ZNF736: variants seen among roughly 807,000 people sequenced by gnomAD.
ZNF736 encodes the protein KRAB-containing zinc-finger repressor protein.
ZNF736 carries 6 observed loss-of-function variants against 11.7 expected under a neutral mutation model. The ratio of observed to expected loss-of-function variants is 0.51; its 90% confidence interval spans 0.28 to 1.01. The LOEUF is 1.01. Ranked by LOEUF, ZNF736 falls within the 50% of genes least tolerant of loss-of-function variation. The pLI is 0.09. For synonymous variants in ZNF736, 139 were observed against 164.7 expected (o/e 0.84, Z 1.19); for missense variants, 444 against 496.0 (o/e 0.90, Z 1.00).
intron 3 of ZNF736, among the ~76,000 whole-genome samples, chr7:64,347,321 C>T (rs896539013): frequency 1.4e-5 from 2 of 144,036 alleles, no homozygotes; most frequent in Admixed American, 7.5e-5. Context: ...TGAGTTCAAG[C>T]GATTCTCCTT....
intron 1 of ZNF736, among the ~76,000 whole-genome samples, chr7:64,335,022 A>G (rs1388445474): frequency 5.9e-5 from 9 of 151,928 alleles, no homozygotes; most frequent in Non-Finnish European, 1.3e-4. Flanking sequence ...ATTCTCAGCA[A>G]ACTAACAAAC....
intron 1 of ZNF736, among the ~76,000 whole-genome samples, chr7:64,319,780 C>T (rs1788978824): frequency 6.7e-6 from 1 of 150,224 alleles, no homozygotes; most frequent in Admixed American, 6.6e-5. Context: ...AGGTGTGAGC[C>T]ACTACGCTCA....
intron 2 of ZNF736, among the ~76,000 whole-genome samples, chr7:64,336,680 T>G (rs1251820567): frequency 6.6e-6 from 1 of 152,206 alleles, no homozygotes; most frequent in East Asian, 1.9e-4. Flanking sequence ...ACAGCTGATT[T>G]TTGATTCAGT....
At chr7:64,328,761 GA>G (rs528548021) in intron 1 of ZNF736, among the ~76,000 whole-genome samples, 7 of 150,130 alleles carry the variant, frequency 4.7e-5, no homozygotes, top group Admixed American at 2.7e-4. Context: ...GGCTCTGTCT[GA>G]AAAAAAAACT....
intron 1 of ZNF736, among the ~76,000 whole-genome samples, chr7:64,315,798 C>T (rs896024519): frequency 6.6e-6 from 1 of 152,172 alleles, no homozygotes; most frequent in Non-Finnish European, 1.5e-5. Context: ...TTCCCACATT[C>T]CCAAATGCCA....
intron 1 of ZNF736, among the ~76,000 whole-genome samples, chr7:64,328,412 T>A (rs923662587): frequency 6.6e-6 from 1 of 151,834 alleles, no homozygotes; most frequent in Non-Finnish European, 1.5e-5. Flanking sequence ...TTGTTTCTTT[T>A]CTCTGCTGCT....
At chr7:64,325,010 T>C (rs1789063619) in intron 1 of ZNF736, among the ~76,000 whole-genome samples, 1 of 152,170 alleles carries the variant, frequency 6.6e-6, no homozygotes, top group Non-Finnish European at 1.5e-5. Context: ...TTTTGTCAGG[T>C]GTTGTCAATG....
intron 3 of ZNF736, among the ~76,000 whole-genome samples, chr7:64,339,571 C>T (rs1789308030): frequency 6.6e-6 from 1 of 152,142 alleles, no homozygotes; most frequent in Non-Finnish European, 1.5e-5. Context: ...CTCAGTGGCT[C>T]AGTGTCAAAG....
chr7:64,353,158 C>T lies in ZNF736; in HGVS notation c.*4011C>T, dbSNP rs56678714. On this transcript the variant is annotated 3_prime_UTR_variant, in exon 4 of 4. Coordinates refer to ENST00000423484, the MANE Select transcript of ZNF736 (RefSeq NM_001170905.3). ...TGAAGTGGGTTCATGAGGGTATCTC[C>T]TCACCTGAAGGTTGCAGAGATCTGT... 16 of 152,354 alleles carry T rather than the reference C, an allele frequency of 1.1e-4. No homozygotes were observed. Among genetic ancestry groups the T allele is most frequent in the Admixed American group, 3.3e-4 (5 of 15,302 alleles). The allele number at this position is 152,354 out of a possible 1,614,324, so 9.4% of individuals were successfully genotyped here. A position where few individuals can be genotyped will look rare whatever the true frequency, so the allele number is the denominator to read the frequency against.
intron 3 of ZNF736, among the ~76,000 whole-genome samples, chr7:64,341,336 C>T (rs1389629281): frequency 6.6e-6 from 1 of 151,372 alleles, no homozygotes; most frequent in African/African-American, 2.4e-5. Flanking sequence ...TTACGTGATC[C>T]TTTTATGAAA....
At chr7:64,324,428 G>T (rs913015020) in intron 1 of ZNF736, among the ~76,000 whole-genome samples, 2 of 152,148 alleles carry the variant, frequency 1.3e-5, no homozygotes, top group African/African-American at 4.8e-5. Flanking sequence ...ATTGTTCTGT[G>T]ATGCCATGTT....
chr7:64,326,528 TA>T (rs1399594465), intron 1 of ZNF736, among the ~76,000 whole-genome samples: 2 of 152,206 alleles, frequency 1.3e-5, no homozygotes, highest in African/African-American at 4.8e-5. Context: ...AACTTTTCAT[TA>T]TGTTTCTTCT....
At chr7:64,330,477 G>A (rs1412812523) in intron 1 of ZNF736, among the ~76,000 whole-genome samples, 4 of 151,670 alleles carry the variant, frequency 2.6e-5, no homozygotes, top group African/African-American at 4.8e-5. Flanking sequence ...TTTTTTTTCT[G>A]ACCTAGGGTG....
chr7:64,330,661 G>T (rs1789152376), intron 1 of ZNF736, among the ~76,000 whole-genome samples: 1 of 152,062 alleles, frequency 6.6e-6, no homozygotes, highest in South Asian at 2.1e-4. Context: ...AGCTTGGATT[G>T]CACTGTACTG....
intron 3 of ZNF736, 171 bp downstream of exon 3, chr7:64,337,153 G>C: frequency 1.6e-6 from 1 of 636,130 alleles, no homozygotes. Context: ...TCCCATTCTT[G>C]TGAATTTTCC....
Position 64,356,496 on chromosome 7 carries a change from G to T in ZNF736, c.*7349G>T, listed in dbSNP as rs1418160216. On this transcript the variant is annotated 3_prime_UTR_variant, in exon 4 of 4. Coordinates refer to ENST00000423484, the MANE Select transcript of ZNF736 (RefSeq NM_001170905.3). ...TAAAAAAATCTATCAATTTTGAATT[G>T]CATACCTAGCTAAATTTTTTTAAGA... Among the ~76,000 whole-genome samples, 1 of 151,930 alleles carries T rather than the reference G, an allele frequency of 6.6e-6. No homozygotes were observed. Among genetic ancestry groups the T allele is most frequent in the Non-Finnish European group, 1.5e-5 (1 of 67,982 alleles).
chr7:64,339,032 G>A (rs1015280564), intron 3 of ZNF736, among the ~76,000 whole-genome samples: 1 of 151,944 alleles, frequency 6.6e-6, no homozygotes, highest in Non-Finnish European at 1.5e-5. Flanking sequence ...CAGGTATAAA[G>A]TAATATCTCA....
chr7:64,337,010 C>T (rs1339077340), intron 3 of ZNF736, 28 bp downstream of exon 3: 2 of 1,563,766 alleles, frequency 1.3e-6, no homozygotes, highest in East Asian at 2.3e-5. Context: ...AAGCAGATGA[C>T]ACAAATGACG....
At chr7:64,326,526 A>G (rs1222415617) in intron 1 of ZNF736, among the ~76,000 whole-genome samples, 2 of 152,030 alleles carry the variant, frequency 1.3e-5, no homozygotes, top group African/African-American at 2.4e-5. Context: ...CTAACTTTTC[A>G]TTATGTTTCT....
Sources: allele counts gnomAD v4.1 joint callset (sites outside exome capture counted in the v4.1 genomes callset), GRCh38; gene constraint gnomAD v4.1.1; transcripts MANE v1.5; gene names NCBI Gene and HGNC (gene_info 2026-07-23, HGNC 2026-07-21).